The following CNTN4 variants were observed in gnomAD, a reference collection of about 807,000 sequenced individuals.
CNTN4 encodes contactin-4.
CNTN4 carries 77 observed loss-of-function variants against 122.5 expected under a neutral mutation model. The observed-to-expected ratio is 0.63, with a 90% CI of 0.52 to 0.76. The LOEUF (loss-of-function observed/expected upper bound fraction) is 0.76, where lower values mean the gene tolerates loss of function less well. Ranked by LOEUF, CNTN4 falls within the 30% of genes least tolerant of loss-of-function variation. CNTN4 has a pLI of 0.00. For missense variants in CNTN4, 1,256 were observed against 1,259.1 expected, an observed-to-expected ratio of 1.00 and a Z score of 0.04; for synonymous variants, 512 against 447.0, an observed-to-expected ratio of 1.15 and a Z score of -1.83.
intron 7 of CNTN4, among the ~76,000 whole-genome samples, chr3:2,820,713 TCTC>T (rs1256186975): frequency 6.6e-6 from 1 of 152,084 alleles, no homozygotes. Flanking sequence ...AAGACATTCT[TCTC>T]AGCAATATCA....
intron 4 of CNTN4, among the ~76,000 whole-genome samples, chr3:2,609,013 T>A (rs1199782111): frequency 6.6e-6 from 1 of 152,232 alleles, no homozygotes; most frequent in East Asian, 1.9e-4. Flanking sequence ...AGAAATTTTT[T>A]AAAAACCCTC....
At chr3:2,120,652 G>T (rs553281517) in intron 2 of CNTN4, among the ~76,000 whole-genome samples, 1 of 151,534 alleles carries the variant, frequency 6.6e-6, no homozygotes, top group South Asian at 2.1e-4. Flanking sequence ...ATCTGCCTGT[G>T]TCGGCCTCCC....
At chr3:2,600,873 G>A (rs554449737) in intron 4 of CNTN4, among the ~76,000 whole-genome samples, 1 of 152,130 alleles carries the variant, frequency 6.6e-6, no homozygotes, top group Admixed American at 6.5e-5. Flanking sequence ...TCGTTTCCTG[G>A]CTTTTTAATG....
Position 2,287,626 on chromosome 3 carries a change from GAGAAGGAGAAGAAGA to G in CNTN4, c.-144-51546_-144-51532del, listed in dbSNP as rs1559415082. On this transcript the variant is annotated intron_variant, in intron 2 of 24. Coordinates refer to ENST00000418658, the MANE Select transcript of CNTN4 (RefSeq NM_175607.3). Reference sequence around the variant, plus strand: ...TAAAGAAAAGAAGGAGAAGGAGAAGGAGAAGGAGAAGAAGAAGAAGAAGAAGAAGAAGAAGAAGAA... The same window carrying G: ...TAAAGAAAAGAAGGAGAAGGAGAAGGAGAAGAAGAAGAAGAAGAAGAAGAA... 5.7e-3 allele frequency among the ~76,000 whole-genome samples: 274 copies of G among 48,444 alleles called. 1 individual carries two copies. The highest frequency in any genetic ancestry group is 9.5e-3 in the Non-Finnish European group (209 of 22,086). The allele number at this position is 48,444 out of a possible 152,430, so 31.8% of individuals were successfully genotyped here.
intron 3 of CNTN4, among the ~76,000 whole-genome samples, chr3:2,443,269 G>A (rs2174017): frequency 0.3 from 45,774 of 151,996 alleles, 7,699 homozygotes; most frequent in East Asian, 0.61. Context: ...CAACATAATT[G>A]ATGAGTTGGT....
At chr3:2,162,987 C>T (rs1240091935) in intron 2 of CNTN4, among the ~76,000 whole-genome samples, 1 of 152,126 alleles carries the variant, frequency 6.6e-6, no homozygotes, top group African/African-American at 2.4e-5. Context: ...GTCACAGCTA[C>T]TCTGGAGGCT....
In CNTN4 at chr3:2,571,408, T is replaced by C; in HGVS notation, c.-88-8T>C. The stretch of plus-strand genomic sequence containing the variant: ...AAATCTCATTGTAATGTCTCTTCTT[T>C]CCCACAGATTAAAGGTTATACAAAA... On this transcript the variant is annotated splice_region_variant and splice_polypyrimidine_tract_variant and intron_variant, in intron 3 of 24. Coordinates refer to ENST00000418658, the MANE Select transcript of CNTN4 (RefSeq NM_175607.3). 1 of 860,138 alleles carries C rather than the reference T, an allele frequency of 1.2e-6. No individual in the cohort carries two copies. The highest frequency in any genetic ancestry group is 2.0e-6 in the Non-Finnish European group (1 of 498,466). The allele number at this position is 860,138 out of a possible 1,614,324, so 53.3% of individuals were successfully genotyped here. A position where few individuals can be genotyped will look rare whatever the true frequency, so the allele number is the denominator to read the frequency against.
chr3:2,279,532 A>T (rs941608719), intron 2 of CNTN4, among the ~76,000 whole-genome samples: 6 of 152,224 alleles, frequency 3.9e-5, no homozygotes, highest in Non-Finnish European at 8.8e-5. Context: ...TCTCTTCAAC[A>T]AGTCACTGTC....
At chr3:2,678,087 G>A (rs906339949) in intron 4 of CNTN4, among the ~76,000 whole-genome samples, 1 of 152,008 alleles carries the variant, frequency 6.6e-6, no homozygotes, top group Admixed American at 6.6e-5. Flanking sequence ...AAAAAAGGGG[G>A]TACATTTTCT....
intron 2 of CNTN4, among the ~76,000 whole-genome samples, chr3:2,335,589 T>G (rs1284765874): frequency 8.0e-6 from 1 of 124,568 alleles, no homozygotes; most frequent in Non-Finnish European, 1.8e-5. Flanking sequence ...TGTGGGTTTT[T>G]TTTTTTTTTT....
chr3:2,751,447 G>A (rs1297584160), intron 6 of CNTN4, among the ~76,000 whole-genome samples: 1 of 152,192 alleles, frequency 6.6e-6, no homozygotes, highest in Non-Finnish European at 1.5e-5. Context: ...TCAAAGGAAA[G>A]CTCCTTTGAG....
At chr3:2,190,525 A>C (rs1343069549) in intron 2 of CNTN4, among the ~76,000 whole-genome samples, 1 of 150,856 alleles carries the variant, frequency 6.6e-6, no homozygotes, top group East Asian at 1.9e-4. Context: ...CTTTTTTTGC[A>C]TCACATTACT....
At chr3:2,431,648 G>T (rs771640908) in intron 3 of CNTN4, among the ~76,000 whole-genome samples, 2 of 152,250 alleles carry the variant, frequency 1.3e-5, no homozygotes, top group South Asian at 4.1e-4. Context: ...TATGCTTGCC[G>T]CTGAGGACAC....
At chr3:2,875,264 T>G (rs1322744565) in intron 8 of CNTN4, among the ~76,000 whole-genome samples, 1 of 152,208 alleles carries the variant, frequency 6.6e-6, no homozygotes, top group Non-Finnish European at 1.5e-5. Flanking sequence ...ATTACAGATG[T>G]GAGCTACCAT....
At chr3:2,475,694 C>T (rs1235989890) in intron 3 of CNTN4, among the ~76,000 whole-genome samples, 1 of 151,986 alleles carries the variant, frequency 6.6e-6, no homozygotes, top group African/African-American at 2.4e-5. Context: ...ATGCACTTGC[C>T]TGCCCTATAT....
intron 5 of CNTN4, among the ~76,000 whole-genome samples, chr3:2,737,224 G>C (rs1181271107): frequency 6.6e-6 from 1 of 151,802 alleles, no homozygotes; most frequent in Non-Finnish European, 1.5e-5. Flanking sequence ...GGGATTATAG[G>C]TTTGCACCAC....
intron 4 of CNTN4, among the ~76,000 whole-genome samples, chr3:2,595,569 G>A (rs1179993285): frequency 6.6e-6 from 1 of 152,164 alleles, no homozygotes; most frequent in African/African-American, 2.4e-5. Context: ...GTCAATGAAG[G>A]ATAAGTGGAC....
chr3:2,609,088 A>G (rs964871816), intron 4 of CNTN4, among the ~76,000 whole-genome samples: 16 of 152,262 alleles, frequency 1.1e-4, no homozygotes, highest in African/African-American at 3.6e-4. Context: ...AGGCTTTCTT[A>G]GAGAATAAAT....
At chr3:2,897,261 C>T (rs962554101) in intron 10 of CNTN4, among the ~76,000 whole-genome samples, 1 of 151,964 alleles carries the variant, frequency 6.6e-6, no homozygotes, top group South Asian at 2.1e-4. Flanking sequence ...GAGTCAAATC[C>T]CAGCACAAGC....
Sources: allele counts gnomAD v4.1 joint callset (sites outside exome capture counted in the v4.1 genomes callset), GRCh38; gene constraint gnomAD v4.1.1; transcripts MANE v1.5; gene names NCBI Gene and HGNC (gene_info 2026-07-23, HGNC 2026-07-21).